The following TCF4 variants were observed in gnomAD, a reference collection of about 807,000 sequenced individuals.
TCF4 encodes transcription factor 4.
Under a neutral mutation model 82.1 loss-of-function variants are expected in TCF4, and 3 were observed. The observed-to-expected ratio is 0.04, with a 90% CI of 0.02 to 0.09. The LOEUF (loss-of-function observed/expected upper bound fraction) is 0.09, where lower values mean the gene tolerates loss of function less well. TCF4 is among the 10% of genes least tolerant of loss of function. The pLI is 1.00. For missense variants in TCF4, 518 were observed against 852.7 expected (o/e 0.61, Z 4.89); for synonymous variants, 276 against 309.6 (o/e 0.89, Z 1.14).
intron 5 of TCF4, among the ~76,000 whole-genome samples, chr18:55,458,358 A>G (rs2095807276): frequency 6.6e-6 from 1 of 152,228 alleles, no homozygotes; most frequent in Admixed American, 6.5e-5. Flanking sequence ...CTTATGCTAA[A>G]GTCTACTACC....
chr18:55,359,419 T>G (rs2084484385), intron 6 of TCF4, among the ~76,000 whole-genome samples: 1 of 152,244 alleles, frequency 6.6e-6, no homozygotes, highest in Non-Finnish European at 1.5e-5. Context: ...AGTAACTCTT[T>G]TTCCTCCTTT....
Position 55,269,819 on chromosome 18 carries a change from T to C in TCF4, c.922+12A>G, listed in dbSNP as rs1324225560. The C allele has an allele frequency of 1.9e-6, 3 of 1,612,946 alleles. No individual in the cohort carries two copies. The highest frequency in any genetic ancestry group is 1.1e-5 in the South Asian group (1 of 91,052). On this transcript the variant is annotated intron_variant, in intron 11 of 19. Coordinates refer to ENST00000354452, the MANE Select transcript of TCF4 (RefSeq NM_001083962.2). ...AATTGTTGGTATCAGAATTGGCATT[T>C]CTGTGACTCACCCATTATACTGTCT...
At position 55,488,359 on chromosome 18, in the gene TCF4, T is replaced by C. The variant is rs376272409; in HGVS notation, c.146-24222A>G. ...AAACATACCATAGCCTTCTGTAATATAGAAACGATTACATAAACAGGAGTG... is the reference window on the plus strand; with the variant it reads ...AAACATACCATAGCCTTCTGTAATACAGAAACGATTACATAAACAGGAGTG... On this transcript the variant is annotated intron_variant, in intron 3 of 19. Transcript: ENST00000354452. Among the ~76,000 whole-genome samples the C allele has an allele frequency of 3.3e-5, 5 of 152,206 alleles. No individual in the cohort carries two copies. In the South Asian group the frequency reaches 1.0e-3, roughly 32 times the overall value.
At chr18:55,519,629 T>C (rs1032326695) in intron 3 of TCF4, among the ~76,000 whole-genome samples, 10 of 152,082 alleles carry the variant, frequency 6.6e-5, no homozygotes, top group African/African-American at 2.2e-4. Flanking sequence ...ATATGGAGCA[T>C]TGACCAGCCA....
intron 3 of TCF4, among the ~76,000 whole-genome samples, chr18:55,573,315 A>C (rs1267990497): frequency 1.3e-5 from 2 of 150,054 alleles, no homozygotes; most frequent in Admixed American, 6.7e-5. Context: ...AAAAAAAAAA[A>C]CAAGTAGCCA....
At chr18:55,541,564 C>A (rs2076820840) in intron 3 of TCF4, among the ~76,000 whole-genome samples, 2 of 152,060 alleles carry the variant, frequency 1.3e-5, no homozygotes, top group South Asian at 2.1e-4. Flanking sequence ...AAGCATATTT[C>A]TCTGATACAA....
At chr18:55,267,889 T>G (rs1197042628) in intron 11 of TCF4, 2 of 152,148 alleles carry the variant, frequency 1.3e-5, no homozygotes, top group Admixed American at 6.6e-5. Flanking sequence ...CTATGGTTTT[T>G]AACAAGTTAA....
chr18:55,321,417 T>G (rs1602566179), intron 8 of TCF4: 2 of 562,180 alleles, frequency 3.6e-6, no homozygotes, highest in East Asian at 6.0e-5. Flanking sequence ...ACTTTCGCTC[T>G]AGGATCCACT....
At chr18:55,624,574 A>AC (rs1331768822) in intron 2 of TCF4, among the ~76,000 whole-genome samples, 17 of 118,726 alleles carry the variant, frequency 1.4e-4, no homozygotes, top group Admixed American at 2.2e-4. Flanking sequence ...AAAGACCCAG[A>AC]TTAAAAAAAA....
At chr18:55,467,321 A>T (rs897585206) in intron 3 of TCF4, among the ~76,000 whole-genome samples, 24 of 152,104 alleles carry the variant, frequency 1.6e-4, no homozygotes, top group African/African-American at 5.6e-4. Flanking sequence ...CATTTCCTCA[A>T]TAACTATTCC....
chr18:55,278,296 A>G (rs746665353), intron 9 of TCF4, among the ~76,000 whole-genome samples: 1 of 152,170 alleles, frequency 6.6e-6, no homozygotes, highest in Non-Finnish European at 1.5e-5. Flanking sequence ...AGGAAACCCC[A>G]TGGCCCGTAG....
intron 8 of TCF4, among the ~76,000 whole-genome samples, chr18:55,329,143 T>TA (rs2077082445): frequency 6.6e-6 from 1 of 152,246 alleles, no homozygotes; most frequent in Non-Finnish European, 1.5e-5. Flanking sequence ...CGTACATCCA[T>TA]CACTGAAGTG....
intron 3 of TCF4, among the ~76,000 whole-genome samples, chr18:55,532,382 T>C (rs756055991): frequency 1.5e-4 from 23 of 152,206 alleles, no homozygotes; most frequent in Admixed American, 4.6e-4. Context: ...AGCTGTCTAG[T>C]GGGCCCTTGG....
chr18:55,538,064 ACACG>A, intron 3 of TCF4, among the ~76,000 whole-genome samples: 1 of 151,344 alleles, frequency 6.6e-6, no homozygotes, highest in Middle Eastern at 3.4e-3. Flanking sequence ...ACACACACAC[ACACG>A]TCATTAGTTC....
At chr18:55,532,197 C>T (rs2097071358) in intron 3 of TCF4, among the ~76,000 whole-genome samples, 1 of 152,194 alleles carries the variant, frequency 6.6e-6, no homozygotes, top group Non-Finnish European at 1.5e-5. Flanking sequence ...CTAGCTTGTA[C>T]TTCATGAAGT....
In TCF4 at chr18:55,416,942, G is replaced by A. The variant is rs985733199; in HGVS notation, c.305-13424C>T. Among the ~76,000 whole-genome samples the A allele has an allele frequency of 6.6e-5, 10 of 152,168 alleles. 1 individual carries two copies. Among genetic ancestry groups the A allele is most frequent in the African/African-American group, 2.4e-4 (10 of 41,426 alleles). On this transcript the variant is annotated intron_variant, in intron 5 of 19. Coordinates refer to ENST00000354452, the MANE Select transcript of TCF4 (RefSeq NM_001083962.2). ...ACAATCCTTCATCCTGCAGCCTGGA[G>A]CTGAGAGTGAAATGCAAGAAAGGAG...
intron 10 of TCF4, among the ~76,000 whole-genome samples, chr18:55,274,161 T>A (rs2060984520): frequency 6.6e-6 from 1 of 152,146 alleles, no homozygotes; most frequent in Non-Finnish European, 1.5e-5. Context: ...GAAATGAAAA[T>A]TTTAGCCAAA....
chr18:55,361,771 T>C (rs1293138932), intron 6 of TCF4, among the ~76,000 whole-genome samples: 1 of 152,158 alleles, frequency 6.6e-6, no homozygotes, highest in East Asian at 1.9e-4. Flanking sequence ...GCAGCAATCA[T>C]ACAAATAACA....
At chr18:55,499,419 T>A (rs2096672971) in intron 3 of TCF4, among the ~76,000 whole-genome samples, 1 of 152,200 alleles carries the variant, frequency 6.6e-6, no homozygotes, top group Non-Finnish European at 1.5e-5. Context: ...TCTGTGTGTG[T>A]GGCTAGGGAG....
Sources: allele counts gnomAD v4.1 joint callset (sites outside exome capture counted in the v4.1 genomes callset), GRCh38; gene constraint gnomAD v4.1.1; transcripts MANE v1.5; gene names NCBI Gene and HGNC (gene_info 2026-07-23, HGNC 2026-07-21).